The following LRP1B variants were observed in gnomAD, a reference collection of about 807,000 sequenced individuals.
LRP1B encodes LDL receptor related protein 1B.
A neutral mutation model predicts 556.6 loss-of-function variants in LRP1B; 217 were observed. The ratio of observed to expected loss-of-function variants is 0.39; its 90% CI spans 0.35 to 0.44. The LOEUF (loss-of-function observed/expected upper bound fraction) is 0.44. LRP1B is among the 20% of genes least tolerant of loss of function. LRP1B has a pLI of 1.00. For missense variants in LRP1B, 5,053 were observed against 5,620.8 expected, an observed-to-expected ratio of 0.90 and a Z score of 3.23; for synonymous variants, 2,047 against 1,865.8, an observed-to-expected ratio of 1.10 and a Z score of -2.50.
intron 3 of LRP1B, among the ~76,000 whole-genome samples, chr2:141,475,493 T>C (rs1369850322): frequency 1.3e-5 from 2 of 152,144 alleles, no homozygotes; most frequent in South Asian, 2.1e-4. Context: ...AGGGAAATCC[T>C]GGGTAGAAGA....
At chr2:140,893,277 T>C (rs1173726195) in intron 23 of LRP1B, among the ~76,000 whole-genome samples, 2 of 152,204 alleles carry the variant, frequency 1.3e-5, no homozygotes, top group Non-Finnish European at 2.9e-5. Flanking sequence ...TGCTGCAAAA[T>C]GTTCATATGT....
chr2:141,925,915 G>A (rs1270217232), intron 1 of LRP1B, among the ~76,000 whole-genome samples: 1 of 152,046 alleles, frequency 6.6e-6, no homozygotes, highest in African/African-American at 2.4e-5. Flanking sequence ...ATCTCAACTG[G>A]GGGATAATAG....
At chr2:142,053,133 G>C (rs1013015469) in intron 1 of LRP1B, among the ~76,000 whole-genome samples, 3 of 152,132 alleles carry the variant, frequency 2.0e-5, no homozygotes, top group African/African-American at 7.2e-5. Context: ...TGTTATGTTG[G>C]TTGCAATCTC....
At chr2:142,085,501 T>C (rs1042650595) in intron 1 of LRP1B, among the ~76,000 whole-genome samples, 1 of 152,196 alleles carries the variant, frequency 6.6e-6, no homozygotes, top group African/African-American at 2.4e-5. Context: ...ATTTTTCCCA[T>C]ACATGAAGAT....
intron 1 of LRP1B, among the ~76,000 whole-genome samples, chr2:141,840,133 A>C (rs964057901): frequency 2.0e-5 from 3 of 152,014 alleles, no homozygotes; most frequent in Admixed American, 1.3e-4. Context: ...AATATGAACG[A>C]GTTATTAAGG....
intron 2 of LRP1B, among the ~76,000 whole-genome samples, chr2:141,576,027 G>T (rs1448602559): frequency 6.6e-6 from 1 of 152,186 alleles, no homozygotes; most frequent in African/African-American, 2.4e-5. Context: ...GGAAGACATT[G>T]TGGAAGGCAA....
At chr2:140,376,826 C>G (rs1451776675) in intron 68 of LRP1B, among the ~76,000 whole-genome samples, 1 of 152,122 alleles carries the variant, frequency 6.6e-6, no homozygotes, top group Non-Finnish European at 1.5e-5. Flanking sequence ...TGGAAGAGAC[C>G]TAGTTTGCAT....
At chr2:141,140,458 G>A (rs1701619758) in intron 7 of LRP1B, among the ~76,000 whole-genome samples, 1 of 152,108 alleles carries the variant, frequency 6.6e-6, no homozygotes, top group African/African-American at 2.4e-5. Context: ...GCCCTAGTCT[G>A]AAATAAGACT....
chr2:141,558,064 A>AG (rs1229546898), intron 2 of LRP1B, among the ~76,000 whole-genome samples: 1 of 151,902 alleles, frequency 6.6e-6, no homozygotes, highest in African/African-American at 2.4e-5. Context: ...CTGCAATCTC[A>AG]GGGGCAATTA....
At chr2:141,649,031 C>T (rs905819196) in intron 2 of LRP1B, among the ~76,000 whole-genome samples, 1 of 152,166 alleles carries the variant, frequency 6.6e-6, no homozygotes, top group African/African-American at 2.4e-5. Context: ...ATGAAGCCTC[C>T]AGATGTGATA....
intron 3 of LRP1B, among the ~76,000 whole-genome samples, chr2:141,289,876 G>A (rs375903724): frequency 6.6e-6 from 1 of 152,094 alleles, no homozygotes; most frequent in South Asian, 2.1e-4. Flanking sequence ...CCTTATATAT[G>A]TGTTACTGCT....
At chr2:141,162,607 A>G (rs149965529) in intron 7 of LRP1B, among the ~76,000 whole-genome samples, 10 of 152,256 alleles carry the variant, frequency 6.6e-5, no homozygotes, top group Non-Finnish European at 1.5e-4. Context: ...GCTTGCAAAT[A>G]GGATAAAATC....
intron 5 of LRP1B, among the ~76,000 whole-genome samples, chr2:141,241,982 C>T (rs1683895883): frequency 6.6e-6 from 1 of 151,802 alleles, no homozygotes; most frequent in Non-Finnish European, 1.5e-5. Flanking sequence ...ATACATCAGT[C>T]ATTCTACAAG....
intron 11 of LRP1B, among the ~76,000 whole-genome samples, chr2:141,047,038 C>T (rs1035416862): frequency 2.0e-5 from 2 of 101,794 alleles, no homozygotes; most frequent in African/African-American, 3.3e-5. Context: ...GCCAAGATTG[C>T]AGCACTGCAC....
intron 3 of LRP1B, among the ~76,000 whole-genome samples, chr2:141,410,751 A>C (rs940802492): frequency 2.0e-5 from 3 of 152,022 alleles, no homozygotes; most frequent in African/African-American, 7.2e-5. Flanking sequence ...TCCATGTTTA[A>C]AATAGAAGAC....
intron 3 of LRP1B, among the ~76,000 whole-genome samples, chr2:141,461,206 G>A (rs1681855811): frequency 6.6e-6 from 1 of 152,142 alleles, no homozygotes; most frequent in Non-Finnish European, 1.5e-5. Flanking sequence ...TGGTGAACTA[G>A]GAAGAAAACC....
intron 1 of LRP1B, among the ~76,000 whole-genome samples, chr2:142,085,049 TCA>T (rs1183690075): frequency 6.6e-6 from 1 of 152,168 alleles, no homozygotes; most frequent in African/African-American, 2.4e-5. Context: ...CTGAAACTTT[TCA>T]GCTTCTATTT....
intron 40 of LRP1B, 44 bp from the exon 41 acceptor site, chr2:140,700,665 T>A (rs768381884): frequency 3.2e-6 from 5 of 1,577,280 alleles, no homozygotes; most frequent in Middle Eastern, 1.7e-4. Context: ...TTTATGTTTT[T>A]CTTTTGTTTT....
At chr2:140,301,068 T>C (rs1258834430) in intron 83 of LRP1B, among the ~76,000 whole-genome samples, 1 of 152,140 alleles carries the variant, frequency 6.6e-6, no homozygotes, top group Non-Finnish European at 1.5e-5. Context: ...AATTTACTTT[T>C]ATGGTAGTGA....
Sources: allele counts gnomAD v4.1 joint callset (sites outside exome capture counted in the v4.1 genomes callset), GRCh38; gene constraint gnomAD v4.1.1; transcripts MANE v1.5; gene names NCBI Gene and HGNC (gene_info 2026-07-23, HGNC 2026-07-21).